The following UBE2L3 variants were observed in gnomAD, a reference collection of about 807,000 sequenced individuals.
The protein encoded by UBE2L3 is ubiquitin-conjugating enzyme E2 L3.
Under a neutral mutation model 17.8 loss-of-function variants are expected in UBE2L3, and 1 was observed. That is an observed-to-expected ratio of 0.06 (90% confidence interval 0.02 to 0.27). UBE2L3 has a LOEUF of 0.27. Ranked by LOEUF, UBE2L3 falls within the 10% of genes least tolerant of loss-of-function variation. The pLI, the probability that UBE2L3 is intolerant of heterozygous loss-of-function variation, is 1.00. For missense variants in UBE2L3, 40 were observed against 192.6 expected (o/e 0.21, Z 4.69); for synonymous variants, 44 against 68.5 (o/e 0.64, Z 1.76).
intron 3 of UBE2L3, among the ~76,000 whole-genome samples, chr22:21,612,147 T>C (rs1280680500): frequency 6.6e-6 from 1 of 152,134 alleles, no homozygotes; most frequent in Non-Finnish European, 1.5e-5. Context: ...GCCTCACTTG[T>C]TGGAAGTAAT....
chr22:21,567,780 C>T lies in UBE2L3; in HGVS notation c.27+9C>T, dbSNP rs1025026601. On this transcript the variant is annotated intron_variant, in intron 1 of 3. Transcript: ENST00000342192. The stretch of plus-strand genomic sequence containing the variant: ...GCAGGAGGCTGATGAAGGTAAAAGC[C>T]ATTCTCTGGCAGCGGCCGGGCGTGG... The T allele has an allele frequency of 3.8e-6, 6 of 1,579,678 alleles. No homozygotes were observed. Among genetic ancestry groups the T allele is most frequent in the African/African-American group, 1.3e-5 (1 of 74,680 alleles).
intron 2 of UBE2L3, among the ~76,000 whole-genome samples, chr22:21,608,741 A>ATTTTT (rs779049247): frequency 1.2e-3 from 133 of 109,774 alleles, no homozygotes; most frequent in East Asian, 3.9e-3. Flanking sequence ...AATATATTTA[A>ATTTTT]TTTTTTTTTT....
intron 1 of UBE2L3, among the ~76,000 whole-genome samples, chr22:21,580,001 G>A (rs527493605): frequency 6.6e-6 from 1 of 152,278 alleles, no homozygotes; most frequent in Admixed American, 6.5e-5. Flanking sequence ...CACAACACAG[G>A]CACATAATGA....
chr22:21,599,792 T>G (rs1284677235), intron 2 of UBE2L3, among the ~76,000 whole-genome samples: 2 of 152,288 alleles, frequency 1.3e-5, no homozygotes, highest in Non-Finnish European at 2.9e-5. Context: ...ATTTTTTGTT[T>G]GTTTTGTTTT....
intron 1 of UBE2L3, among the ~76,000 whole-genome samples, chr22:21,560,553 C>A (rs1212248906): frequency 6.9e-6 from 1 of 145,978 alleles, no homozygotes; most frequent in Admixed American, 7.0e-5. Context: ...TGGATTCAAG[C>A]GATTCTTCTG....
intron 1 of UBE2L3, among the ~76,000 whole-genome samples, chr22:21,586,307 C>T (rs1927931121): frequency 6.6e-6 from 1 of 151,980 alleles, no homozygotes; most frequent in African/African-American, 2.4e-5. Context: ...GAGTCTGCAC[C>T]CAGGCTGGAG....
chr22:21,607,445 G>A (rs969002106), intron 2 of UBE2L3, among the ~76,000 whole-genome samples: 11 of 151,360 alleles, frequency 7.3e-5, no homozygotes, highest in Non-Finnish European at 1.6e-4. Context: ...AACCAGGGAG[G>A]CAGAGGTTGC....
chr22:21,574,426 C>G (rs1387007200), intron 1 of UBE2L3, among the ~76,000 whole-genome samples: 1 of 152,116 alleles, frequency 6.6e-6, no homozygotes, highest in Non-Finnish European at 1.5e-5. Flanking sequence ...GTGTGAGCTA[C>G]TTGTAGATAT....
rs1325641033 is a variant in UBE2L3, at chr22:21,622,767, A to C, written c.*1098A>C. 1 of 152,922 alleles carries C rather than the reference A, an allele frequency of 6.5e-6. No individual in the cohort carries two copies. Among genetic ancestry groups the C allele is most frequent in the African/African-American group, 2.4e-5 (1 of 41,442 alleles). 9.5% of individuals were successfully genotyped at this position (152,922 alleles called of 1,614,324 possible). ...GGCCCCTGCTGACCCCCTCCTCCAGAGCAGCCAGCCCAGCCCGGGAACAAG... is the reference window on the plus strand; with the variant it reads ...GGCCCCTGCTGACCCCCTCCTCCAGCGCAGCCAGCCCAGCCCGGGAACAAG... On this transcript the variant is annotated 3_prime_UTR_variant, in exon 4 of 4. Coordinates refer to ENST00000342192, the MANE Select transcript of UBE2L3 (RefSeq NM_003347.4).
chr22:21,598,496 T>G (rs1040933987), intron 2 of UBE2L3, among the ~76,000 whole-genome samples: 3 of 151,756 alleles, frequency 2.0e-5, no homozygotes, highest in African/African-American at 7.3e-5. Flanking sequence ...GTTTTCTAGT[T>G]CTGTTATTGA....
chr22:21,621,453 C>T (rs1285689984), intron 3 of UBE2L3, 62 bp from the exon 4 acceptor site: 4 of 1,521,366 alleles, frequency 2.6e-6, no homozygotes, highest in African/African-American at 2.8e-5. Context: ...GATTAGCTGC[C>T]TCTTGCCTGT....
intron 1 of UBE2L3, among the ~76,000 whole-genome samples, chr22:21,572,388 T>C (rs1464487381): frequency 2.7e-5 from 4 of 146,136 alleles, no homozygotes; most frequent in Admixed American, 2.1e-4. Flanking sequence ...TGAGCCAAGA[T>C]TGTGTCATTG....
intron 1 of UBE2L3, among the ~76,000 whole-genome samples, chr22:21,584,089 G>T (rs1300634866): frequency 1.3e-5 from 2 of 151,960 alleles, no homozygotes; most frequent in African/African-American, 4.8e-5. Context: ...TGGTCAGGCT[G>T]GTCTCGAACT....
chr22:21,609,176 C>T (rs1397402425), intron 2 of UBE2L3, among the ~76,000 whole-genome samples: 5 of 152,056 alleles, frequency 3.3e-5, no homozygotes, highest in African/African-American at 9.7e-5. Flanking sequence ...GGATTACAGG[C>T]GTGAGCCACC....
chr22:21,571,987 G>A (rs1011559884), intron 1 of UBE2L3, among the ~76,000 whole-genome samples: 10 of 152,122 alleles, frequency 6.6e-5, no homozygotes, highest in Admixed American at 2.6e-4. Context: ...TGAGAAAAAC[G>A]TTGCGTCTTT....
chr22:21,584,025 G>A (rs1927793275), intron 1 of UBE2L3, among the ~76,000 whole-genome samples: 1 of 151,060 alleles, frequency 6.6e-6, no homozygotes, highest in African/African-American at 2.4e-5. Context: ...ACAGGCGTGT[G>A]CCACCATGCT....
At chr22:21,572,499 T>TA (rs1927035527) in intron 1 of UBE2L3, among the ~76,000 whole-genome samples, 1 of 152,128 alleles carries the variant, frequency 6.6e-6, no homozygotes, top group South Asian at 2.1e-4. Context: ...CTGATCTTGT[T>TA]AAAACTCTAA....
At chr22:21,574,308 C>G (rs2266961) in intron 1 of UBE2L3, among the ~76,000 whole-genome samples, 28,503 of 152,194 alleles carry the variant, frequency 0.19, 3,503 homozygotes, top group East Asian at 0.41. Flanking sequence ...CTGAGTGACC[C>G]TGGGCAAGTT....
At chr22:21,555,130 A>G (rs1406914124) in intron 1 of UBE2L3, 2 of 150,152 alleles carry the variant, frequency 1.3e-5, no homozygotes, top group Non-Finnish European at 2.9e-5. Flanking sequence ...CCTTGGAAAT[A>G]TAGAACTGCT....
Sources: allele counts gnomAD v4.1 joint callset (sites outside exome capture counted in the v4.1 genomes callset), GRCh38; gene constraint gnomAD v4.1.1; transcripts MANE v1.5; gene names NCBI Gene and HGNC (gene_info 2026-07-23, HGNC 2026-07-21).